GALNTL6: variants seen among roughly 807,000 people sequenced by gnomAD.
GALNTL6 encodes the protein polypeptide N-acetylgalactosaminyltransferase-like 6.
A neutral mutation model predicts 73.7 loss-of-function variants in GALNTL6; 46 were observed. The ratio of observed to expected loss-of-function variants is 0.62; its 90% CI spans 0.49 to 0.80. The LOEUF is 0.80. Ranked by LOEUF, GALNTL6 falls within the 30% of genes least tolerant of loss-of-function variation. The pLI is 0.00. For synonymous variants in GALNTL6, 259 were observed against 263.7 expected (o/e 0.98, Z 0.17); for missense variants, 604 against 755.0 (o/e 0.80, Z 2.34).
chr4:172,372,848 C>T (rs1313842230), intron 5 of GALNTL6, among the ~76,000 whole-genome samples: 1 of 152,096 alleles, frequency 6.6e-6, no homozygotes, highest in East Asian at 1.9e-4. Context: ...CCAAGGAACA[C>T]CTGCAACTGT....
intron 5 of GALNTL6, among the ~76,000 whole-genome samples, chr4:172,718,184 G>T (rs1469804006): frequency 6.6e-6 from 1 of 152,154 alleles, no homozygotes; most frequent in African/African-American, 2.4e-5. Context: ...TAATTCAGAA[G>T]AATCTACTTC....
At chr4:172,677,538 TTG>T (rs1732371939) in intron 5 of GALNTL6, among the ~76,000 whole-genome samples, 1 of 152,124 alleles carries the variant, frequency 6.6e-6, no homozygotes, top group South Asian at 2.1e-4. Flanking sequence ...CTTAAGGAGT[TTG>T]TGGTCCAGGA....
chr4:171,900,046 A>G (rs988789822), intron 2 of GALNTL6, among the ~76,000 whole-genome samples: 4 of 152,106 alleles, frequency 2.6e-5, no homozygotes, highest in African/African-American at 9.7e-5. Context: ...ATCTTATTAA[A>G]CTAAATGAGG....
intron 5 of GALNTL6, among the ~76,000 whole-genome samples, chr4:172,561,259 CAAA>C (rs59249298): frequency 1.7e-5 from 1 of 60,130 alleles, no homozygotes; most frequent in Non-Finnish European, 2.7e-5. Context: ...GACTCCGTCT[CAAA>C]AAAAAAAAAA....
chr4:172,890,382 T>G (rs1745968253), intron 8 of GALNTL6, among the ~76,000 whole-genome samples: 1 of 152,156 alleles, frequency 6.6e-6, no homozygotes, highest in Non-Finnish European at 1.5e-5. Context: ...AGCTATAAGC[T>G]TTCTTTTTAA....
intron 2 of GALNTL6, among the ~76,000 whole-genome samples, chr4:172,038,115 C>A (rs2110834025): frequency 1.0e-5 from 1 of 98,154 alleles, no homozygotes; most frequent in South Asian, 4.0e-4. Flanking sequence ...GAGACTCTGT[C>A]TCAAAAAAAA....
At chr4:171,873,010 C>T (rs1007129758) in intron 2 of GALNTL6, among the ~76,000 whole-genome samples, 3 of 152,048 alleles carry the variant, frequency 2.0e-5, no homozygotes, top group Non-Finnish European at 2.9e-5. Context: ...ACACATAAAT[C>T]GTGAATCCTG....
chr4:172,859,432 T>C (rs985048590), intron 7 of GALNTL6, among the ~76,000 whole-genome samples: 2 of 152,154 alleles, frequency 1.3e-5, no homozygotes, highest in Non-Finnish European at 2.9e-5. Flanking sequence ...AAGAAGCCCA[T>C]AGAGATCTTT....
intron 5 of GALNTL6, among the ~76,000 whole-genome samples, chr4:172,664,527 T>G (rs1425761918): frequency 6.6e-6 from 1 of 152,222 alleles, no homozygotes; most frequent in Non-Finnish European, 1.5e-5. Flanking sequence ...CTATCCAGTT[T>G]AGGTGAGAGA....
intron 9 of GALNTL6, among the ~76,000 whole-genome samples, chr4:172,947,491 T>C (rs1436912863): frequency 6.6e-6 from 1 of 152,142 alleles, no homozygotes; most frequent in East Asian, 1.9e-4. Flanking sequence ...AGGCAACCTC[T>C]AGAGATGCAA....
At chr4:172,719,526 G>A (rs924331712) in intron 5 of GALNTL6, among the ~76,000 whole-genome samples, 1 of 151,968 alleles carries the variant, frequency 6.6e-6, no homozygotes, top group African/African-American at 2.4e-5. Context: ...ATTGCTACTA[G>A]AACACATTCT....
At chr4:172,777,410 C>T (rs1297351352) in intron 5 of GALNTL6, among the ~76,000 whole-genome samples, 1 of 152,148 alleles carries the variant, frequency 6.6e-6, no homozygotes, top group East Asian at 1.9e-4. Flanking sequence ...CGTATTACCT[C>T]TCTGACCTTA....
chr4:172,385,978 T>C lies in GALNTL6; in HGVS notation c.553+37289T>C, dbSNP rs138746626. Among the ~76,000 whole-genome samples, 818 of 152,146 alleles carry C rather than the reference T, an allele frequency of 5.4e-3. 6 individuals carry two copies. The highest frequency in any genetic ancestry group is 0.018 in the African/African-American group (762 of 41,542). ...TACAATTAACTTAAAGCAATCTAGTTCACGTTAATGTCAACTAAAGTCAAT... is the reference window on the plus strand; with the variant it reads ...TACAATTAACTTAAAGCAATCTAGTCCACGTTAATGTCAACTAAAGTCAAT... On this transcript the variant is annotated intron_variant, in intron 5 of 12. Transcript: ENST00000506823.
At chr4:172,665,835 T>A (rs893591668) in intron 5 of GALNTL6, among the ~76,000 whole-genome samples, 2 of 152,194 alleles carry the variant, frequency 1.3e-5, no homozygotes, top group African/African-American at 2.4e-5. Context: ...GTTATTTTTT[T>A]ACAAACATTT....
intron 5 of GALNTL6, among the ~76,000 whole-genome samples, chr4:172,779,551 C>T (rs1203186539): frequency 2.0e-5 from 3 of 152,128 alleles, no homozygotes; most frequent in East Asian, 1.9e-4. Context: ...CCCATTCAAA[C>T]GTCCCTTTCT....
intron 2 of GALNTL6, among the ~76,000 whole-genome samples, chr4:171,850,848 T>C (rs1234776342): frequency 6.6e-6 from 1 of 152,058 alleles, no homozygotes; most frequent in Non-Finnish European, 1.5e-5. Context: ...GAACCTAGGA[T>C]TTTAGATTTA....
chr4:172,770,348 T>G (rs1738693952), intron 5 of GALNTL6, among the ~76,000 whole-genome samples: 1 of 152,000 alleles, frequency 6.6e-6, no homozygotes, highest in Admixed American at 6.6e-5. Flanking sequence ...CACATATTAA[T>G]TGCTCAATAA....
chr4:171,968,596 G>A (rs1188812854), intron 2 of GALNTL6, among the ~76,000 whole-genome samples: 1 of 152,088 alleles, frequency 6.6e-6, no homozygotes, highest in African/African-American at 2.4e-5. Flanking sequence ...GTTACATTCT[G>A]ATGTTCCAGG....
At chr4:172,499,034 C>G (rs1031376790) in intron 5 of GALNTL6, among the ~76,000 whole-genome samples, 1 of 152,134 alleles carries the variant, frequency 6.6e-6, no homozygotes, top group Non-Finnish European at 1.5e-5. Flanking sequence ...GTCAGTATTG[C>G]ACTCCTTCTT....
Sources: allele counts gnomAD v4.1 joint callset (sites outside exome capture counted in the v4.1 genomes callset), GRCh38; gene constraint gnomAD v4.1.1; transcripts MANE v1.5; gene names NCBI Gene and HGNC (gene_info 2026-07-23, HGNC 2026-07-21).